The following CAMKMT variants were observed in gnomAD, a reference collection of about 807,000 sequenced individuals.
CAMKMT encodes CaM KMT.
Under a neutral mutation model 48.0 loss-of-function variants are expected in CAMKMT, and 53 were observed. That is an observed-to-expected ratio of 1.10 (90% confidence interval 0.89 to 1.39). The LOEUF is 1.39. Ranked by LOEUF, CAMKMT falls within the 40% of genes most tolerant of loss-of-function variation. The pLI is 0.00. For missense variants in CAMKMT, 428 were observed against 402.7 expected (o/e 1.06, Z -0.54); for synonymous variants, 165 against 152.3 (o/e 1.08, Z -0.61).
chr2:44,492,702 A>C (rs1669566533), intron 3 of CAMKMT, among the ~76,000 whole-genome samples: 1 of 152,146 alleles, frequency 6.6e-6, no homozygotes, highest in South Asian at 2.1e-4. Flanking sequence ...GTAATGATAC[A>C]ATCCATGACA....
chr2:44,428,491 G>A (rs1007604767), intron 3 of CAMKMT, among the ~76,000 whole-genome samples: 4 of 152,186 alleles, frequency 2.6e-5, no homozygotes, highest in African/African-American at 7.2e-5. Context: ...GTAGGAAAGC[G>A]GAGATGTGAA....
Position 44,657,617 on chromosome 2 carries a change from T to C in CAMKMT, c.377-46666T>C, listed in dbSNP as rs1343297324. On this transcript the variant is annotated intron_variant, in intron 3 of 10. Transcript: ENST00000378494. The surrounding 1 kb of genome is among the most constrained non-coding windows in gnomAD (Gnocchi z 4.3). ...AATTCATGTCCCTGACTACAAGTGT[T>C]CCTGGGGCCACGTCTGAAAGCAGCT... is the stretch of plus-strand genomic sequence containing the variant. Among the ~76,000 whole-genome samples the C allele has an allele frequency of 2.0e-5, 3 of 152,206 alleles. No homozygotes were observed. Among genetic ancestry groups the C allele is most frequent in the Admixed American group, 2.0e-4 (3 of 15,284 alleles).
chr2:44,419,111 A>G (rs1683759416), intron 3 of CAMKMT, among the ~76,000 whole-genome samples: 1 of 152,216 alleles, frequency 6.6e-6, no homozygotes, highest in Non-Finnish European at 1.5e-5. Context: ...AGCCCTTTTG[A>G]TTTAAAGTAT....
At chr2:44,715,455 T>A in intron 7 of CAMKMT, 102 bp downstream of exon 7, 1 of 818,582 alleles carries the variant, frequency 1.2e-6, no homozygotes, top group Non-Finnish European at 2.0e-6. Context: ...ATTGAGCACC[T>A]GCTGTGTGTC....
chr2:44,532,076 T>C (rs975578780), intron 3 of CAMKMT, among the ~76,000 whole-genome samples: 1 of 152,208 alleles, frequency 6.6e-6, no homozygotes, highest in African/African-American at 2.4e-5. Context: ...TATATGTAGG[T>C]ATGTACATGT....
intron 3 of CAMKMT, among the ~76,000 whole-genome samples, chr2:44,594,850 G>T (rs769007562): frequency 3.3e-5 from 5 of 152,140 alleles, no homozygotes; most frequent in East Asian, 1.9e-4. Context: ...CACAGCAAAA[G>T]AAACTATCAT....
intron 3 of CAMKMT, among the ~76,000 whole-genome samples, chr2:44,552,874 G>C (rs1348283503): frequency 6.6e-6 from 1 of 152,106 alleles, no homozygotes; most frequent in Non-Finnish European, 1.5e-5. Context: ...ATTTAGTCAG[G>C]ACCCTTTCCC....
intron 9 of CAMKMT, among the ~76,000 whole-genome samples, chr2:44,757,027 C>G (rs1310040123): frequency 6.6e-6 from 1 of 152,208 alleles, no homozygotes; most frequent in African/African-American, 2.4e-5. Flanking sequence ...CCTCACGTGT[C>G]AAAAGGCAAG....
chr2:44,460,793 A>G (rs1167126102), intron 3 of CAMKMT, among the ~76,000 whole-genome samples: 1 of 136,554 alleles, frequency 7.3e-6, no homozygotes. Flanking sequence ...CATGATCTCC[A>G]CTTACTGCAA....
intron 3 of CAMKMT, among the ~76,000 whole-genome samples, chr2:44,643,081 A>G (rs557838734): frequency 1.3e-5 from 2 of 152,330 alleles, no homozygotes; most frequent in African/African-American, 4.8e-5. Flanking sequence ...TTATTTTATC[A>G]GTCAGTGACA....
intron 3 of CAMKMT, among the ~76,000 whole-genome samples, chr2:44,453,767 A>G (rs1667418604): frequency 6.6e-6 from 1 of 152,110 alleles, no homozygotes; most frequent in South Asian, 2.1e-4. Flanking sequence ...TTACTGAAAC[A>G]TCATTTCTAG....
intron 3 of CAMKMT, among the ~76,000 whole-genome samples, chr2:44,525,031 T>G (rs1475166336): frequency 6.6e-6 from 1 of 152,188 alleles, no homozygotes; most frequent in Non-Finnish European, 1.5e-5. Flanking sequence ...AATATTCATT[T>G]AAAGCCTTTT....
intron 2 of CAMKMT, among the ~76,000 whole-genome samples, chr2:44,387,128 A>C (rs1001588027): frequency 6.6e-6 from 1 of 152,096 alleles, no homozygotes; most frequent in Non-Finnish European, 1.5e-5. Flanking sequence ...GAAGTCCTCT[A>C]CTATTATTGT....
chr2:44,555,931 G>T (rs1667981046), intron 3 of CAMKMT, among the ~76,000 whole-genome samples: 2 of 152,092 alleles, frequency 1.3e-5, no homozygotes, highest in African/African-American at 4.8e-5. Flanking sequence ...GCTTCCAGCA[G>T]GGAAGAAGGA....
chr2:44,512,015 C>T (rs975381037), intron 3 of CAMKMT, among the ~76,000 whole-genome samples: 9 of 152,290 alleles, frequency 5.9e-5, no homozygotes, highest in African/African-American at 2.2e-4. Flanking sequence ...GTTCTGAGAA[C>T]TTTCTCTGCT....
chr2:44,481,001 A>ATG lies in CAMKMT; in HGVS notation c.376+90712_376+90713dup, dbSNP rs138279574. The stretch of plus-strand genomic sequence containing the variant: ...GCCTATACTTTCTATCATCCATATT[A>ATG]TGTGTGTGTGTGTGTGTATGTATAT... On this transcript the variant is annotated intron_variant, in intron 3 of 10. Coordinates refer to ENST00000378494, the MANE Select transcript of CAMKMT (RefSeq NM_024766.5). Among the ~76,000 whole-genome samples the ATG allele has an allele frequency of 4.2e-3, 631 of 150,644 alleles. 2 individuals carry two copies. Among genetic ancestry groups the ATG allele is most frequent in the African/African-American group, 0.014 (564 of 41,228 alleles).
At chr2:44,614,936 CTTTTTTTTT>C (rs3083440) in intron 3 of CAMKMT, among the ~76,000 whole-genome samples, 3 of 48,992 alleles carry the variant, frequency 6.1e-5, no homozygotes, top group Admixed American at 7.0e-4. Context: ...GGTCTCCTTG[CTTTTTTTTT>C]TTTTTTTTTT....
chr2:44,565,882 T>G (rs1230691614), intron 3 of CAMKMT, among the ~76,000 whole-genome samples: 2 of 152,198 alleles, frequency 1.3e-5, no homozygotes, highest in Non-Finnish European at 2.9e-5. Context: ...GATGATGCTA[T>G]TTCAGATCTT....
At chr2:44,514,124 C>T (rs1670716447) in intron 3 of CAMKMT, among the ~76,000 whole-genome samples, 2 of 150,720 alleles carry the variant, frequency 1.3e-5, no homozygotes, top group South Asian at 4.2e-4. Flanking sequence ...AAAAGAAAAT[C>T]CTTCAGTGCT....
Sources: allele counts gnomAD v4.1 joint callset (sites outside exome capture counted in the v4.1 genomes callset), GRCh38; gene constraint gnomAD v4.1.1; non-coding constraint Gnocchi (gnomAD v3.1); transcripts MANE v1.5; gene names NCBI Gene and HGNC (gene_info 2026-07-23, HGNC 2026-07-21).